CDSN: variants seen among roughly 807,000 people sequenced by gnomAD.
CDSN encodes the protein S protein.
CDSN carries 11 observed loss-of-function variants against 25.6 expected under a neutral mutation model. That is an observed-to-expected ratio of 0.43 (90% CI 0.27 to 0.71). The LOEUF (loss-of-function observed/expected upper bound fraction) is 0.71, where lower values mean the gene tolerates loss of function less well. Among genes scored for constraint, CDSN ranks in the 30% least tolerant of loss-of-function variants. The pLI, the probability that CDSN is intolerant of heterozygous loss-of-function variation, is 0.20. For missense variants in CDSN, 598 were observed against 670.9 expected (o/e 0.89, Z 1.20); for synonymous variants, 266 against 267.4 (o/e 0.99, Z 0.05).
chr6:31,116,262 C>G lies in CDSN; in HGVS notation c.1353G>C (p.Lys451Asn). 1 of 1,614,096 alleles carries G rather than the reference C, an allele frequency of 6.2e-7. No individual in the cohort carries two copies. The highest frequency in any genetic ancestry group is 8.5e-7 in the Non-Finnish European group (1 of 1,179,992). ...TGCAAGGGTGACCAGAAGAGCTGGACTTGCTGCCACAAGGCTGAAGGATGA... is the reference window on the plus strand; with the variant it reads ...TGCAAGGGTGACCAGAAGAGCTGGAGTTGCTGCCACAAGGCTGAAGGATGA... ...GKIILQPCGS[K>N]SSSSGHPCMS... is the part of the protein sequence containing the mutation. The change falls in exon 2 of 2, where the codon AAG (lysine) becomes AAC (asparagine). Residue 451 changes from lysine (K) to asparagine (N), a missense_variant. Physicochemically the swap from Lys to Asn is moderately conservative, Grantham distance 94. Transcript: ENST00000376288.
Position 31,117,090 on chromosome 6 carries a change from A to G in CDSN, c.525T>C (p.Ala175=), listed in dbSNP as rs1189951206. 6.2e-7 allele frequency: 1 copy of G among 1,614,206 alleles called. No homozygotes were observed. Residue 175 remains alanine, a synonymous_variant, in exon 2 of 2, where the codon GCT becomes GCC. Transcript: ENST00000376288. Reference sequence around the variant, plus strand: ...GGTAAGAGTTGTCATTGGTTGGCAGAGCAGAGCCATTCCCTACTTGGAAGC... The same window carrying G: ...GGTAAGAGTTGTCATTGGTTGGCAGGGCAGAGCCATTCCCTACTTGGAAGC... The part of the protein sequence containing the change: ...SSSFQVGNGS[A]LPTNDNSYRG...
In CDSN at chr6:31,116,426, G is replaced by C. The variant is rs781189010; in HGVS notation, c.1189C>G (p.Arg397Gly). The C allele has an allele frequency of 3.8e-6, 6 of 1,590,408 alleles. No homozygotes were observed. In the African/African-American group the frequency reaches 8.1e-5, roughly 21 times the overall value. ...GAAATGCTAGAACTGCTGGGGACTC[G>C]AGAACTGGAGGGAGAGCAGGGTCCC... ...SKGPCSPSSS[R>G]VPSSSSISSS... Residue 397 changes from arginine to glycine, a missense_variant, in exon 2 of 2, where the codon CGA becomes GGA. Coordinates refer to ENST00000376288, the MANE Select transcript of CDSN (RefSeq NM_001264.5).
chr6:31,117,762 G>C, intron 1 of CDSN: 1 of 573,272 alleles, frequency 1.7e-6, no homozygotes, highest in Non-Finnish European at 3.1e-6. Context: ...CAGAAAAATA[G>C]AAAATTAGGT....
In CDSN at chr6:31,120,406, C is replaced by A. The variant is rs747213653; in HGVS notation, c.14G>T (p.Arg5Leu). 1.3e-6 allele frequency: 2 copies of A among 1,588,246 alleles called. No homozygotes were observed. Among genetic ancestry groups the A allele is most frequent in the East Asian group, 2.3e-5 (1 of 43,398 alleles). The part of the protein sequence containing the change: MGSS[R>L]APWMGRVGGH... ...ACCCACACGCCCCATCCAGGGTGCC[C>A]GAGACGAGCCCATCTCGGACTGCAC... The change falls in exon 1 of 2, where the codon CGG becomes CTG. Residue 5 changes from arginine to leucine, a missense_variant. Transcript: ENST00000376288.
At chr6:31,120,305 C>T (rs1203290635) in intron 1 of CDSN, 30 bp downstream of exon 1, 7 of 1,527,276 alleles carry the variant, frequency 4.6e-6, no homozygotes, top group Admixed American at 1.9e-5. Context: ...TCCCGCCTCC[C>T]TCCTGTTCCC....
chr6:31,117,692 G>C, intron 1 of CDSN, 163 bp from the exon 2 acceptor site: 1 of 645,010 alleles, frequency 1.6e-6, no homozygotes, highest in South Asian at 1.8e-5. Context: ...GTCTCTAAAG[G>C]ATATTGAGGT....
intron 1 of CDSN, among the ~76,000 whole-genome samples, chr6:31,119,463 C>T (rs3095323): frequency 0.76 from 115,241 of 152,142 alleles, 43,978 homozygotes; most frequent in South Asian, 0.83. Context: ...AGGGGTTGCC[C>T]GGCCTGGGGT....
In CDSN at chr6:31,115,201, G is replaced by A. The variant is rs1772040672; in HGVS notation, c.*824C>T. 6.5e-6 allele frequency: 2 copies of A among 307,878 alleles called. No homozygotes were observed. The highest frequency in any genetic ancestry group is 5.7e-5 in the South Asian group (2 of 34,884). The allele number at this position is 307,878 out of a possible 1,614,324, so 19.1% of individuals were successfully genotyped here. ...AATGAGGAACACAGAGACCTCTAGA[G>A]GCGTAGGAAGAGCACCACCCAGACT... On this transcript the variant is annotated 3_prime_UTR_variant, in exon 2 of 2. Coordinates refer to ENST00000376288, the MANE Select transcript of CDSN (RefSeq NM_001264.5). This position sits in a 1 kb window ranked among gnomAD's most constrained non-coding sequence, Gnocchi z 4.2.
chr6:31,115,928 G>T lies in CDSN; in HGVS notation c.*97C>A. 1 of 1,113,340 alleles carries T rather than the reference G, an allele frequency of 9.0e-7. No individual in the cohort carries two copies. The highest frequency in any genetic ancestry group is 1.4e-6 in the Non-Finnish European group (1 of 736,468). The allele number at this position is 1,113,340 out of a possible 1,614,324, so 69.0% of individuals were successfully genotyped here. ...CTCTTTTGGGAAGGAGGGAAACTGAGCTAACCCTATGCCTGGGCACTGGAC... is the reference window on the plus strand; with the variant it reads ...CTCTTTTGGGAAGGAGGGAAACTGATCTAACCCTATGCCTGGGCACTGGAC... On this transcript the variant is annotated 3_prime_UTR_variant, in exon 2 of 2. Transcript: ENST00000376288. The surrounding 1 kb of genome is among the most constrained non-coding windows in gnomAD (Gnocchi z 4.2).
Position 31,120,319 on chromosome 6 carries a change from G to A in CDSN, c.85+16C>T, listed in dbSNP as rs532946667. On this transcript the variant is annotated intron_variant, in intron 1 of 1. Transcript: ENST00000376288. ...CTCCCGCCTCCCTCCTGTTCCCAGG[G>A]CCCCCAGCCTCCTACCTGGCAGGAG... The A allele has an allele frequency of 1.9e-6, 3 of 1,558,486 alleles. No homozygotes were observed. Among genetic ancestry groups the A allele is most frequent in the South Asian group, 2.4e-5 (2 of 85,006 alleles).
intron 1 of CDSN, among the ~76,000 whole-genome samples, chr6:31,118,991 C>T (rs1303038993): frequency 2.0e-5 from 3 of 151,600 alleles, no homozygotes; most frequent in Middle Eastern, 3.4e-3. Flanking sequence ...CACAGGTGCC[C>T]GCCACCACAC....
At chr6:31,118,291 A>G (rs1772275090) in intron 1 of CDSN, 1 of 152,402 alleles carries the variant, frequency 6.6e-6, no homozygotes, top group Admixed American at 6.5e-5. Context: ...TGGAAACCCT[A>G]TTTCCTATCT....
chr6:31,117,171 C>T lies in CDSN; in HGVS notation c.444G>A (p.Ser148=), dbSNP rs1464187613. 7 of 1,611,542 alleles carry T rather than the reference C, an allele frequency of 4.3e-6. No individual in the cohort carries two copies. Among genetic ancestry groups the T allele is most frequent in the East Asian group, 2.2e-5 (1 of 44,854 alleles). ...TGCTCGAATGAGAGCTGCTGCTTCC[C>T]GAGTGAGAGCCGCTGTTTCCCGAGT... ...SSHSGNSGSH[S]GSSSSHSSSS... is the part of the protein sequence containing the mutation. Residue 148 remains serine, a synonymous_variant, in exon 2 of 2, where the codon TCG becomes TCA. Transcript: ENST00000376288.
chr6:31,116,834 C>A lies in CDSN; in HGVS notation c.781G>T (p.Gly261Cys). The stretch of plus-strand genomic sequence containing the variant: ...TGAACCACTCCAGGGGCACCAGAAC[C>A]GTGCTGGTCCACCACCACCACCACA... Reference protein sequence around the residue: ...RPVVVVVDQHGSGAPGVVQGP... With the variant: ...RPVVVVVDQHCSGAPGVVQGP... Residue 261 changes from glycine (G) to cysteine (C), a missense_variant, in exon 2 of 2, where the codon GGT becomes TGT. By Grantham distance (159) the Gly-to-Cys change is radical. Transcript: ENST00000376288. 6.2e-7 allele frequency: 1 copy of A among 1,614,026 alleles called. No homozygotes were observed. Among genetic ancestry groups the A allele is most frequent in the South Asian group, 1.1e-5 (1 of 91,086 alleles).
At position 31,116,326 on chromosome 6, in the gene CDSN, G is replaced by C; in HGVS notation, c.1289C>G (p.Ser430Cys). The change falls in exon 2 of 2, where the codon TCC (serine) becomes TGC (cysteine). Residue 430 changes from serine to cysteine, a missense_variant. Physicochemically the swap from Ser to Cys is moderately radical, Grantham distance 112. Coordinates refer to ENST00000376288, the MANE Select transcript of CDSN (RefSeq NM_001264.5). ...TTGGGAACTGGAGCTGCTGCTGAAG[G>C]AGCCGGTGCCTGGTGGGGAGCAGGG... The part of the protein sequence containing the change: ...QSPCSPPGTG[S>C]FSSSSSSQSS... 1 of 1,613,770 alleles carries C rather than the reference G, an allele frequency of 6.2e-7. No individual in the cohort carries two copies. The highest frequency in any genetic ancestry group is 1.1e-5 in the South Asian group (1 of 91,030).
At chr6:31,119,194 C>T (rs1772330407) in intron 1 of CDSN, among the ~76,000 whole-genome samples, 1 of 152,100 alleles carries the variant, frequency 6.6e-6, no homozygotes, top group Non-Finnish European at 1.5e-5. Context: ...ATTACTGCCA[C>T]TCATCCTGAT....
At position 31,116,248 on chromosome 6, in the gene CDSN, C is replaced by T; in HGVS notation, c.1367G>A (p.Gly456Asp). The T allele has an allele frequency of 1.9e-6, 3 of 1,613,980 alleles. No homozygotes were observed. Among genetic ancestry groups the T allele is most frequent in the Non-Finnish European group, 2.5e-6 (3 of 1,179,966 alleles). The change falls in exon 2 of 2, where the codon GGT (glycine) becomes GAT (aspartate). Residue 456 changes from glycine (G) to aspartate (D), a missense_variant. Gly to Asp is a moderately conservative substitution (Grantham distance 94, BLOSUM62 -1). Coordinates refer to ENST00000376288, the MANE Select transcript of CDSN (RefSeq NM_001264.5). ...QPCGSKSSSS[G>D]HPCMSVSSLT... is the part of the protein sequence containing the mutation. ...GGAGGAGACAGACATGCAAGGGTGA[C>T]CAGAAGAGCTGGACTTGCTGCCACA...
rs750279345 is a variant in CDSN at position 31,116,034 on chromosome 6, GT to G, written c.1580del (p.Asn527ThrfsTer71). The G allele has an allele frequency of 3.1e-6, 5 of 1,611,400 alleles. No individual in the cohort carries two copies. In the Admixed American group the frequency reaches 8.3e-5, roughly 27 times the overall value. On this transcript the variant is annotated frameshift_variant, in exon 2 of 2. Coordinates refer to ENST00000376288, the MANE Select transcript of CDSN (RefSeq NM_001264.5). LOFTEE classifies it high-confidence loss of function. ...CACAACAGTTGACTTCTTATGGACT[GT>G]TGAGTAACTCTCCTTGGGGTAGGAA... ...EVFLPQGELL[N>X]SP
At position 31,120,436 on chromosome 6, in the gene CDSN, T is replaced by C. The variant is rs753558327; in HGVS notation, c.-17A>G. On this transcript the variant is annotated 5_prime_UTR_variant, in exon 1 of 2. Transcript: ENST00000376288. ...CGAGCCCATCTCGGACTGCACGGCCTCCTGACTGATGGCAGCTCAAGGACA... is the reference window on the plus strand; with the variant it reads ...CGAGCCCATCTCGGACTGCACGGCCCCCTGACTGATGGCAGCTCAAGGACA... The C allele has an allele frequency of 1.3e-6, 2 of 1,564,030 alleles. No homozygotes were observed. Among genetic ancestry groups the C allele is most frequent in the Admixed American group, 3.8e-5 (2 of 52,930 alleles).
Sources: allele counts gnomAD v4.1 joint callset (sites outside exome capture counted in the v4.1 genomes callset), GRCh38; gene constraint gnomAD v4.1.1; non-coding constraint Gnocchi (gnomAD v3.1); transcripts MANE v1.5; gene names NCBI Gene and HGNC (gene_info 2026-07-23, HGNC 2026-07-21).